The following PTCHD4 variants were observed in gnomAD, a reference collection of about 807,000 sequenced individuals.
PTCHD4 encodes the protein patched domain-containing protein 4.
In PTCHD4, 33 loss-of-function variants were observed where a neutral mutation model predicts 58.1. The observed-to-expected ratio is 0.57, with a 90% CI of 0.43 to 0.76. The LOEUF is 0.76. Among genes scored for constraint, PTCHD4 ranks in the 30% least tolerant of loss-of-function variants. The pLI, the probability that PTCHD4 is intolerant of heterozygous loss-of-function variation, is 0.00. For synonymous variants in PTCHD4, 478 were observed against 409.6 expected (o/e 1.17, Z -2.02); for missense variants, 1,058 against 1,027.1 (o/e 1.03, Z -0.41).
chr6:48,043,209 A>G (rs1255912999), intron 3 of PTCHD4, among the ~76,000 whole-genome samples: 2 of 151,924 alleles, frequency 1.3e-5, no homozygotes, highest in Admixed American at 1.3e-4. Flanking sequence ...ATGGAGAAAT[A>G]CACAAAAGTA....
chr6:47,897,940 C>CTTTTTTTTTTTTTTTTTTTT (rs67063892), intron 4 of PTCHD4, among the ~76,000 whole-genome samples: 72 of 76,354 alleles, frequency 9.4e-4, no homozygotes, highest in Admixed American at 1.3e-3. Context: ...TTCTTTCTTT[C>CTTTTTTTTTTTTTTTTTTTT]TTTTTTTTTT....
At chr6:48,001,734 G>A (rs1405657796) in intron 4 of PTCHD4, among the ~76,000 whole-genome samples, 1 of 152,154 alleles carries the variant, frequency 6.6e-6, no homozygotes, top group East Asian at 1.9e-4. Flanking sequence ...AAAAGCAATG[G>A]CAACAAAAGC....
Position 47,969,623 on chromosome 6 carries a change from A to C in PTCHD4, c.898+39011T>G, listed in dbSNP as rs550374013. The stretch of plus-strand genomic sequence containing the variant: ...CTGGCATAAAATTCTTTAAAAAATG[A>C]CCCCCCCCAAAAAATAAAATTGCAT... On this transcript the variant is annotated intron_variant, in intron 4 of 4. Coordinates refer to ENST00000339488, the MANE Select transcript of PTCHD4 (RefSeq NM_001384253.1). Among the ~76,000 whole-genome samples, 25 of 151,490 alleles carry C rather than the reference A, an allele frequency of 1.7e-4. No homozygotes were observed. In the South Asian group the frequency reaches 5.0e-3, roughly 30 times the overall value.
At chr6:47,955,009 C>G (rs924290877) in intron 4 of PTCHD4, among the ~76,000 whole-genome samples, 1 of 152,196 alleles carries the variant, frequency 6.6e-6, no homozygotes, top group Admixed American at 6.5e-5. Context: ...CAAAAACTAG[C>G]CAAACATAGG....
At chr6:48,041,971 T>A (rs1020866007) in intron 3 of PTCHD4, among the ~76,000 whole-genome samples, 2 of 152,054 alleles carry the variant, frequency 1.3e-5, no homozygotes, top group Non-Finnish European at 2.9e-5. Context: ...CTGCTATAGT[T>A]TAAGACATGC....
intron 3 of PTCHD4, among the ~76,000 whole-genome samples, chr6:48,041,222 AT>A (rs1763834798): frequency 3.3e-5 from 5 of 151,994 alleles, no homozygotes; most frequent in African/African-American, 9.7e-5. Context: ...TTGACTCTCA[AT>A]TTTCACAAAG....
chr6:47,865,893 C>T lies in PTCHD4; in HGVS notation c.*12410G>A, dbSNP rs1322281515. Among the ~76,000 whole-genome samples, 1 of 151,814 alleles carries T rather than the reference C, an allele frequency of 6.6e-6. No homozygotes were observed. The highest frequency in any genetic ancestry group is 1.5e-5 in the Non-Finnish European group (1 of 67,874). ...TGAAACTTTCTGGTTTGTACAAATT[C>T]AACTCCTGTACTGGAAATGTACCCT... is the stretch of plus-strand genomic sequence containing the variant. On this transcript the variant is annotated 3_prime_UTR_variant, in exon 5 of 5. Coordinates refer to ENST00000339488, the MANE Select transcript of PTCHD4 (RefSeq NM_001384253.1).
At chr6:47,968,155 T>C (rs1403355478) in intron 4 of PTCHD4, among the ~76,000 whole-genome samples, 1 of 152,080 alleles carries the variant, frequency 6.6e-6, no homozygotes. Flanking sequence ...CATTGCAGGG[T>C]TATTAACTGG....
chr6:47,913,274 G>A (rs1033156262), intron 4 of PTCHD4, among the ~76,000 whole-genome samples: 2 of 152,034 alleles, frequency 1.3e-5, no homozygotes, highest in African/African-American at 4.8e-5. Context: ...CAGTGTCCCA[G>A]TGGGGAGCAC....
intron 4 of PTCHD4, among the ~76,000 whole-genome samples, chr6:47,892,008 G>T (rs1231209828): frequency 1.3e-5 from 2 of 152,168 alleles, no homozygotes; most frequent in Non-Finnish European, 2.9e-5. Context: ...CACTAAAAGG[G>T]ATGGCTTCCT....
chr6:48,004,450 A>G (rs149910674), intron 4 of PTCHD4, among the ~76,000 whole-genome samples: 21 of 152,286 alleles, frequency 1.4e-4, no homozygotes, highest in African/African-American at 5.1e-4. Context: ...TGTGTGTAAT[A>G]TTAGCCCATA....
At chr6:47,993,926 T>C (rs756008130) in intron 4 of PTCHD4, among the ~76,000 whole-genome samples, 2 of 152,150 alleles carry the variant, frequency 1.3e-5, no homozygotes, top group African/African-American at 4.8e-5. Context: ...GTACTCAGAC[T>C]ATTGAGAGCA....
intron 3 of PTCHD4, among the ~76,000 whole-genome samples, chr6:48,011,061 C>T (rs1406255929): frequency 6.6e-6 from 1 of 152,152 alleles, no homozygotes; most frequent in Non-Finnish European, 1.5e-5. Flanking sequence ...GTCTTTACAG[C>T]AGAATGATTT....
intron 4 of PTCHD4, among the ~76,000 whole-genome samples, chr6:47,992,182 G>T (rs1768302742): frequency 1.3e-5 from 2 of 152,012 alleles, no homozygotes; most frequent in Non-Finnish European, 2.9e-5. Flanking sequence ...TTAGAAAATA[G>T]ACTTTAAAAC....
intron 4 of PTCHD4, chr6:47,900,434 A>C (rs556226079): frequency 6.6e-6 from 1 of 152,178 alleles, no homozygotes; most frequent in African/African-American, 2.4e-5. Flanking sequence ...ATAAATGTCT[A>C]TTCGAATCTT....
At chr6:48,038,208 G>T (rs934342835) in intron 3 of PTCHD4, among the ~76,000 whole-genome samples, 1 of 151,574 alleles carries the variant, frequency 6.6e-6, no homozygotes, top group African/African-American at 2.4e-5. Context: ...TCTCCTGACC[G>T]GGGTTAATTA....
intron 4 of PTCHD4, among the ~76,000 whole-genome samples, chr6:47,913,787 G>T (rs953368164): frequency 2.0e-5 from 3 of 152,132 alleles, no homozygotes; most frequent in Non-Finnish European, 4.4e-5. Context: ...TGCTGGAGGA[G>T]GCTGATTCTG....
chr6:48,090,468 T>C (rs1209053842), intron 1 of PTCHD4, among the ~76,000 whole-genome samples: 1 of 152,142 alleles, frequency 6.6e-6, no homozygotes, highest in Non-Finnish European at 1.5e-5. Flanking sequence ...AAGCAGATAT[T>C]TTTGGTGCCA....
At chr6:47,987,032 A>G (rs1415669000) in intron 4 of PTCHD4, among the ~76,000 whole-genome samples, 3 of 152,154 alleles carry the variant, frequency 2.0e-5, no homozygotes, top group African/African-American at 7.2e-5. Flanking sequence ...TAAAAAATGT[A>G]ATAATTGATC....
Sources: allele counts gnomAD v4.1 joint callset (sites outside exome capture counted in the v4.1 genomes callset), GRCh38; gene constraint gnomAD v4.1.1; transcripts MANE v1.5; gene names NCBI Gene and HGNC (gene_info 2026-07-23, HGNC 2026-07-21).